Variants in CAMTA1 observed in about 807,000 individuals in gnomAD.
CAMTA1 encodes the protein calmodulin binding transcription activator 1.
In CAMTA1, 27 loss-of-function variants were observed where a neutral mutation model predicts 170.9. That is an observed-to-expected ratio of 0.16 (90% CI 0.12 to 0.22). The LOEUF is 0.22. Ranked by LOEUF, CAMTA1 falls within the 10% of genes least tolerant of loss-of-function variation. CAMTA1 has a pLI of 1.00. For missense variants in CAMTA1, 1,619 were observed against 2,217.2 expected, an observed-to-expected ratio of 0.73 and a Z score of 5.42; for synonymous variants, 833 against 891.5, an observed-to-expected ratio of 0.93 and a Z score of 1.17.
At chr1:7,390,509 C>T (rs145559470) in intron 5 of CAMTA1, among the ~76,000 whole-genome samples, 3 of 152,230 alleles carry the variant, frequency 2.0e-5, no homozygotes, top group Non-Finnish European at 4.4e-5. Flanking sequence ...CTGCTTACTA[C>T]TCCTGAGCCC....
At chr1:6,842,218 C>A (rs781782245) in intron 3 of CAMTA1, among the ~76,000 whole-genome samples, 3 of 152,170 alleles carry the variant, frequency 2.0e-5, no homozygotes, top group Non-Finnish European at 2.9e-5. Flanking sequence ...TAGTGCAGAC[C>A]CATTCATTCC....
chr1:7,077,224 GTTTTTTTTTT>G (rs113439901), intron 3 of CAMTA1, among the ~76,000 whole-genome samples: 12 of 118,630 alleles, frequency 1.0e-4, no homozygotes, highest in African/African-American at 3.8e-4. Flanking sequence ...TTAAGGAAAG[GTTTTTTTTTT>G]TTTTTTTTTT....
chr1:7,448,452 CTG>C (rs1246936798), intron 5 of CAMTA1, among the ~76,000 whole-genome samples: 1 of 152,204 alleles, frequency 6.6e-6, no homozygotes, highest in Non-Finnish European at 1.5e-5. Flanking sequence ...CCGAGGCTCT[CTG>C]TGCTGTGTCC....
intron 4 of CAMTA1, among the ~76,000 whole-genome samples, chr1:7,118,723 T>C (rs568332666): frequency 2.0e-5 from 3 of 152,180 alleles, no homozygotes; most frequent in Non-Finnish European, 4.4e-5. Flanking sequence ...AGCAGCCTGT[T>C]TGCTTTTGCA....
At chr1:7,542,419 A>G (rs2094624040) in intron 6 of CAMTA1, among the ~76,000 whole-genome samples, 1 of 152,012 alleles carries the variant, frequency 6.6e-6, no homozygotes, top group African/African-American at 2.4e-5. Flanking sequence ...TTCTCAAAAC[A>G]TATTTTTTTG....
intron 3 of CAMTA1, among the ~76,000 whole-genome samples, chr1:6,829,144 C>CTACCCGCTT (rs1648624748): frequency 6.6e-6 from 1 of 152,098 alleles, no homozygotes; most frequent in Non-Finnish European, 1.5e-5. Flanking sequence ...CTCAGGTGAT[C>CTACCCGCTT]TACCCGCTTC....
At chr1:7,584,338 G>A (rs1432983618) in intron 6 of CAMTA1, among the ~76,000 whole-genome samples, 2 of 151,976 alleles carry the variant, frequency 1.3e-5, no homozygotes, top group East Asian at 2.0e-4. Context: ...GCCAAGGGTC[G>A]GGGGCTTCCG....
At chr1:7,593,967 G>T (rs985976466) in intron 6 of CAMTA1, among the ~76,000 whole-genome samples, 1 of 151,240 alleles carries the variant, frequency 6.6e-6, no homozygotes, top group Admixed American at 6.6e-5. Context: ...GCTTGAACCT[G>T]GGAGGTGGAG....
chr1:7,611,488 C>T lies in CAMTA1; in HGVS notation c.511-28912C>T, dbSNP rs548182584. 5.9e-5 allele frequency among the ~76,000 whole-genome samples: 9 copies of T among 152,262 alleles called. No individual in the cohort carries two copies. In the South Asian group the frequency reaches 1.2e-3, roughly 21 times the overall value. On this transcript the variant is annotated intron_variant, in intron 6 of 22. Coordinates refer to ENST00000303635, the MANE Select transcript of CAMTA1 (RefSeq NM_015215.4). ...GCAGGATGCTGGGAACAGGTTTGAGCGAGGACCAGGAAGGAGAGGATTCCC... is the reference window on the plus strand; with the variant it reads ...GCAGGATGCTGGGAACAGGTTTGAGTGAGGACCAGGAAGGAGAGGATTCCC...
At chr1:7,705,046 G>T (rs2096496055) in intron 11 of CAMTA1, among the ~76,000 whole-genome samples, 3 of 149,178 alleles carry the variant, frequency 2.0e-5, no homozygotes. Flanking sequence ...GCGTGTTTCT[G>T]GCGCGAGTGT....
rs743968 is a variant in CAMTA1 at position 7,408,627 on chromosome 1, C to G, written c.439-59203C>G. The stretch of plus-strand genomic sequence containing the variant: ...GAGCCACAGCTTCACAGGCTGCTCT[C>G]GATTTTGGTGATGGTGCCAGGTGGG... On this transcript the variant is annotated intron_variant, in intron 5 of 22. Transcript: ENST00000303635. Among the ~76,000 whole-genome samples the G allele has an allele frequency of 4.1e-3, 625 of 152,324 alleles. 3 individuals carry two copies. Among genetic ancestry groups the G allele is most frequent in the Non-Finnish European group, 6.1e-3 (418 of 68,030 alleles).
At chr1:7,694,099 T>C (rs1323205946) in intron 11 of CAMTA1, 1 of 152,234 alleles carries the variant, frequency 6.6e-6, no homozygotes, top group Non-Finnish European at 1.5e-5. Context: ...TTAAATTCTT[T>C]CCTACACAAA....
At chr1:7,197,628 CCACACACACACACA>C (rs3222484) in intron 4 of CAMTA1, among the ~76,000 whole-genome samples, 59 of 109,874 alleles carry the variant, frequency 5.4e-4, no homozygotes, top group East Asian at 1.2e-3. Flanking sequence ...TTGTCCCCCA[CCACACACACACACA>C]CACACACACA....
chr1:7,067,258 C>T lies in CAMTA1; in HGVS notation c.235-24046C>T, dbSNP rs903367814. 2.6e-5 allele frequency among the ~76,000 whole-genome samples: 4 copies of T among 152,154 alleles called. No homozygotes were observed. The highest frequency in any genetic ancestry group is 7.2e-5 in the African/African-American group (3 of 41,446). On this transcript the variant is annotated intron_variant, in intron 3 of 22. Transcript: ENST00000303635. The surrounding 1 kb of genome is among the most constrained non-coding windows in gnomAD (Gnocchi z 4.3). The stretch of plus-strand genomic sequence containing the variant: ...GCTTCCTAGGGACGAAGGCCTCTCC[C>T]GGGGCTGGGAAGTTCCTGTCCCTTG...
chr1:6,889,744 G>C (rs141344471), intron 3 of CAMTA1, among the ~76,000 whole-genome samples: 5 of 152,262 alleles, frequency 3.3e-5, no homozygotes, highest in African/African-American at 1.2e-4. Context: ...AAGATGCTGG[G>C]ATGGGTTATC....
At chr1:7,467,721 C>T (rs896733927) in intron 5 of CAMTA1, 109 bp from the exon 6 acceptor site, 24 of 1,003,966 alleles carry the variant, frequency 2.4e-5, no homozygotes, top group African/African-American at 7.9e-5. Flanking sequence ...CTCCCTGGGC[C>T]GCTGCCAGGC....
At chr1:7,755,978 G>C (rs927809595) in intron 22 of CAMTA1, among the ~76,000 whole-genome samples, 2 of 152,206 alleles carry the variant, frequency 1.3e-5, no homozygotes, top group Admixed American at 6.5e-5. Flanking sequence ...GGCAGGCCAC[G>C]TACACGGCCA....
intron 3 of CAMTA1, among the ~76,000 whole-genome samples, chr1:6,875,609 C>T (rs1267702331): frequency 2.6e-5 from 4 of 152,072 alleles, no homozygotes; most frequent in African/African-American, 9.7e-5. Context: ...CAACAGCGCC[C>T]CTAACTTCTG....
intron 5 of CAMTA1, among the ~76,000 whole-genome samples, chr1:7,262,871 C>T (rs770879005): frequency 3.3e-5 from 5 of 152,216 alleles, no homozygotes; most frequent in Admixed American, 3.3e-4. Context: ...GTGGTTGCTT[C>T]CTCCCAGTGA....
Sources: allele counts gnomAD v4.1 joint callset (sites outside exome capture counted in the v4.1 genomes callset), GRCh38; gene constraint gnomAD v4.1.1; non-coding constraint Gnocchi (gnomAD v3.1); transcripts MANE v1.5; gene names NCBI Gene and HGNC (gene_info 2026-07-23, HGNC 2026-07-21).